RRAS2: variants seen among roughly 807,000 people sequenced by gnomAD.
RRAS2 encodes ras-related protein R-Ras2.
Under a neutral mutation model 27.6 loss-of-function variants are expected in RRAS2, and 7 were observed. The observed-to-expected ratio is 0.25, with a 90% CI of 0.14 to 0.48. The LOEUF is 0.48. Among genes scored for constraint, RRAS2 ranks in the 20% least tolerant of loss-of-function variants. RRAS2 has a pLI of 0.99. For synonymous variants in RRAS2, 86 were observed against 90.9 expected (o/e 0.95, Z 0.31); for missense variants, 178 against 256.2 (o/e 0.69, Z 2.08).
At chr11:14,281,462 G>A in intron 5 of RRAS2, 140 bp downstream of exon 5, 4 of 526,222 alleles carry the variant, frequency 7.6e-6, no homozygotes, top group Non-Finnish European at 9.7e-6. Flanking sequence ...TTCTAGAAGT[G>A]CCTAGAATAT....
intron 1 of RRAS2, among the ~76,000 whole-genome samples, chr11:14,347,242 A>C (rs749511909): frequency 6.6e-6 from 1 of 152,238 alleles, no homozygotes; most frequent in Non-Finnish European, 1.5e-5. Context: ...AACCAGGTAG[A>C]ATGATAGAAA....
At chr11:14,321,367 C>T (rs1447917786) in intron 1 of RRAS2, among the ~76,000 whole-genome samples, 5 of 152,062 alleles carry the variant, frequency 3.3e-5, no homozygotes, top group African/African-American at 4.8e-5. Context: ...AAGGATGGCA[C>T]GAAAGTCCCT....
At chr11:14,332,161 C>A (rs1848492889) in intron 1 of RRAS2, among the ~76,000 whole-genome samples, 1 of 152,190 alleles carries the variant, frequency 6.6e-6, no homozygotes, top group Admixed American at 6.5e-5. Context: ...CCAATAATCA[C>A]AACTTGGTAT....
At chr11:14,308,419 A>C in intron 1 of RRAS2, 2 of 262,558 alleles carry the variant, frequency 7.6e-6, no homozygotes, top group African/African-American at 2.3e-5. Context: ...AATCTCTTAA[A>C]CCTCTTTCCT....
At chr11:14,305,956 G>C (rs1057307059) in intron 1 of RRAS2, among the ~76,000 whole-genome samples, 1 of 152,052 alleles carries the variant, frequency 6.6e-6, no homozygotes, top group African/African-American at 2.4e-5. Flanking sequence ...GAGGTAGGAG[G>C]ATCACTTGAG....
chr11:14,341,189 A>T (rs1848697175), intron 1 of RRAS2, among the ~76,000 whole-genome samples: 1 of 152,220 alleles, frequency 6.6e-6, no homozygotes, highest in Non-Finnish European at 1.5e-5. Context: ...TTTCTAAAGG[A>T]ATAAATTTCA....
chr11:14,303,424 T>A (rs1847760713), intron 1 of RRAS2, among the ~76,000 whole-genome samples: 1 of 152,170 alleles, frequency 6.6e-6, no homozygotes, highest in Non-Finnish European at 1.5e-5. Context: ...CATAATTTTT[T>A]AAAATCATTC....
intron 1 of RRAS2, among the ~76,000 whole-genome samples, chr11:14,349,963 A>G (rs930409161): frequency 6.6e-6 from 1 of 152,206 alleles, no homozygotes; most frequent in African/African-American, 2.4e-5. Context: ...CATGGTTTCA[A>G]AAGTCAGAAA....
intron 4 of RRAS2, among the ~76,000 whole-genome samples, chr11:14,285,059 T>C (rs1423822510): frequency 6.6e-6 from 1 of 152,234 alleles, no homozygotes; most frequent in East Asian, 1.9e-4. Flanking sequence ...TATCTATTCT[T>C]TGTTCTAGTT....
intron 1 of RRAS2, among the ~76,000 whole-genome samples, chr11:14,329,091 ACACACACG>A (rs1312787050): frequency 6.6e-6 from 1 of 150,640 alleles, no homozygotes; most frequent in African/African-American, 2.4e-5. Flanking sequence ...ACACACACAC[ACACACACG>A]CATATACATA....
At chr11:14,292,899 A>G (rs1847441283) in intron 4 of RRAS2, among the ~76,000 whole-genome samples, 1 of 151,702 alleles carries the variant, frequency 6.6e-6, no homozygotes, top group Non-Finnish European at 1.5e-5. Context: ...CAAGTTCAGG[A>G]GATCGAGACC....
intron 4 of RRAS2, 52 bp downstream of exon 4, chr11:14,294,419 C>A: frequency 8.6e-7 from 1 of 1,168,030 alleles, no homozygotes; most frequent in South Asian, 1.4e-5. Flanking sequence ...TCTATCAGTT[C>A]ACTCACATGA....
chr11:14,305,105 T>A (rs1221752248), intron 1 of RRAS2, among the ~76,000 whole-genome samples: 1 of 152,214 alleles, frequency 6.6e-6, no homozygotes, highest in Non-Finnish European at 1.5e-5. Context: ...TGTTGCCAGT[T>A]GTCTCAGACT....
intron 1 of RRAS2, among the ~76,000 whole-genome samples, chr11:14,299,177 G>A (rs1847632800): frequency 6.6e-6 from 1 of 152,184 alleles, no homozygotes; most frequent in Non-Finnish European, 1.5e-5. Context: ...TTGTCATGCA[G>A]TTAAATGGTC....
chr11:14,341,436 T>C lies in RRAS2; in HGVS notation c.108+17327A>G, dbSNP rs550089337. Among the ~76,000 whole-genome samples the C allele has an allele frequency of 3.0e-4, 45 of 152,308 alleles. 1 individual carries two copies. The highest frequency in any genetic ancestry group is 2.7e-3 in the Admixed American group (41 of 15,294). On this transcript the variant is annotated intron_variant, in intron 1 of 5. Coordinates refer to ENST00000256196, the MANE Select transcript of RRAS2 (RefSeq NM_012250.6). ...CTACCAAGACAAAAATTAGATACTGTGCTTTGGAGAAATCTTCAGAAACCA... is the reference window on the plus strand; with the variant it reads ...CTACCAAGACAAAAATTAGATACTGCGCTTTGGAGAAATCTTCAGAAACCA...
At chr11:14,318,328 A>G (rs1554949795) in intron 1 of RRAS2, among the ~76,000 whole-genome samples, 1 of 151,980 alleles carries the variant, frequency 6.6e-6, no homozygotes, top group African/African-American at 2.4e-5. Context: ...GAAAAGCCCC[A>G]TCTCTACCTA....
chr11:14,349,991 C>T (rs72866411), intron 1 of RRAS2, among the ~76,000 whole-genome samples: 4,033 of 152,270 alleles, frequency 0.026, 68 homozygotes, highest in Non-Finnish European at 0.042. Context: ...TCAGAAGGGT[C>T]CCTGCCCCCA....
At chr11:14,344,743 C>T (rs1435799207) in intron 1 of RRAS2, among the ~76,000 whole-genome samples, 2 of 152,206 alleles carry the variant, frequency 1.3e-5, no homozygotes, top group Non-Finnish European at 2.9e-5. Context: ...AATTGCCAGA[C>T]AGAAATTAAG....
chr11:14,316,371 G>A (rs1848106379), intron 1 of RRAS2, among the ~76,000 whole-genome samples: 1 of 152,198 alleles, frequency 6.6e-6, no homozygotes, highest in African/African-American at 2.4e-5. Context: ...GGAAAAGTAG[G>A]AATAGCATTT....
Sources: gnomAD v4.1 joint callset for allele counts (sites outside exome capture counted in the v4.1 genomes callset) on GRCh38, gnomAD v4.1.1 for gene constraint, MANE v1.5 for transcripts, NCBI Gene and HGNC (gene_info 2026-07-23, HGNC 2026-07-21) for gene names.